ZNF454: variants seen among roughly 807,000 people sequenced by gnomAD.
ZNF454 encodes zinc finger protein 454.
Under a neutral mutation model 48.2 loss-of-function variants are expected in ZNF454, and 30 were observed. The ratio of observed to expected loss-of-function variants is 0.62; its 90% CI spans 0.47 to 0.84. The LOEUF is 0.84. ZNF454 is among the 40% of genes least tolerant of loss of function. The pLI, the probability that ZNF454 is intolerant of heterozygous loss-of-function variation, is 0.00. For synonymous variants in ZNF454, 204 were observed against 211.4 expected (o/e 0.97, Z 0.30); for missense variants, 510 against 623.1 (o/e 0.82, Z 1.93).
chr5:178,948,010 G>A (rs554782368), intron 4 of ZNF454: 1 of 152,110 alleles, frequency 6.6e-6, no homozygotes, highest in Non-Finnish European at 1.5e-5. Flanking sequence ...CGCCTCTTGG[G>A]TTCGAGCAAT....
chr5:178,959,760 C>T (rs1257049726), intron 4 of ZNF454, among the ~76,000 whole-genome samples: 1 of 151,982 alleles, frequency 6.6e-6, no homozygotes, highest in Non-Finnish European at 1.5e-5. Context: ...CGCCCACCAC[C>T]ACGCCTGGCT....
At chr5:178,969,063 G>A (rs540356382), downstream of ZNF454, 14 of 363,780 alleles carry the variant, frequency 3.8e-5, no homozygotes, top group South Asian at 2.6e-4. Flanking sequence ...TGGCCTATTA[G>A]ATACGCCCAG....
chr5:178,942,742 C>T lies in ZNF454; in HGVS notation c.-50C>T, dbSNP rs1387094452. 1.2e-6 allele frequency: 2 copies of T among 1,611,684 alleles called. No homozygotes were observed. The highest frequency in any genetic ancestry group is 1.7e-6 in the Non-Finnish European group (2 of 1,178,032). ...CTGCAGGTGTGAAGCTCCACACCTG[C>T]CTCCATAGCACTTTGCCTGTCCCTA... On this transcript the variant is annotated 5_prime_UTR_variant, in exon 2 of 5. Transcript: ENST00000519564.
chr5:178,987,191 C>T, the ZNF454 span: 7 of 694,650 alleles, frequency 1.0e-5, no homozygotes, highest in East Asian at 2.8e-5. Context: ...GTGTTGTGAG[C>T]GTGTGGAGAA....
downstream of ZNF454, chr5:178,968,613 C>T (rs1464086961): frequency 8.4e-6 from 3 of 358,704 alleles, no homozygotes; most frequent in East Asian, 7.4e-5. Flanking sequence ...TGCAGCTTCA[C>T]GCAGCTGACA....
Position 178,966,103 on chromosome 5 carries a change from T to C in ZNF454, c.*130T>C. 1.2e-6 allele frequency: 1 copy of C among 858,662 alleles called. No homozygotes were observed. 53.2% of individuals were successfully genotyped at this position (858,662 alleles called of 1,614,324 possible). On this transcript the variant is annotated 3_prime_UTR_variant, in exon 5 of 5. Transcript: ENST00000519564. The stretch of plus-strand genomic sequence containing the variant: ...GTCACTTTATTTACTGAGGGTCAGG[T>C]TTCACAGTGTCATGGGGTTTGGGCA...
chr5:178,969,121 T>C (rs1350156831), downstream of ZNF454, among the ~76,000 whole-genome samples: 1 of 152,144 alleles, frequency 6.6e-6, no homozygotes, highest in Non-Finnish European at 1.5e-5. Context: ...AGGCAGTGGC[T>C]TTACTGTATT....
chr5:178,972,308 T>C, the ZNF454 span, among the ~76,000 whole-genome samples: 2 of 152,208 alleles, frequency 1.3e-5, no homozygotes, highest in African/African-American at 4.8e-5. Context: ...ATACAACATT[T>C]TACAATCTAT....
chr5:178,944,228 C>T lies in ZNF454; in HGVS notation c.33+1404C>T, dbSNP rs945964687. Among the ~76,000 whole-genome samples, 2 of 152,206 alleles carry T rather than the reference C, an allele frequency of 1.3e-5. No individual in the cohort carries two copies. The highest frequency in any genetic ancestry group is 1.9e-4 in the East Asian group (1 of 5,180). On this transcript the variant is annotated intron_variant, in intron 2 of 4. Coordinates refer to ENST00000519564, the MANE Select transcript of ZNF454 (RefSeq NM_001178089.3). This position sits in a 1 kb window ranked among gnomAD's most constrained non-coding sequence, Gnocchi z 4.1. ...GCCATGTTCAACATAGCACAGCTCA[C>T]CGGCTGTTCCCCTCCTCCTCTTGGC...
chr5:178,964,180 G>C (rs1262728255), intron 4 of ZNF454, among the ~76,000 whole-genome samples: 3 of 151,388 alleles, frequency 2.0e-5, no homozygotes, highest in African/African-American at 7.3e-5. Flanking sequence ...GAATGCAGTG[G>C]CGCGATCTCG....
At chr5:178,985,417 A>AC in the ZNF454 span, 43 of 362,542 alleles carry the variant, frequency 1.2e-4, no homozygotes, top group Non-Finnish European at 1.8e-4. Context: ...AAAAAAAAAA[A>AC]AACTCACTGG....
the ZNF454 span, chr5:178,987,135 C>T: frequency 3.8e-6 from 3 of 796,294 alleles, no homozygotes; most frequent in Non-Finnish European, 6.3e-6. Flanking sequence ...GGAGATCCCC[C>T]TTCACCCATT....
rs1167546746 is a variant in ZNF454, at chr5:178,965,036, T to G, written c.632T>G (p.Ile211Ser). The G allele has an allele frequency of 4.3e-6, 7 of 1,613,928 alleles. No homozygotes were observed. The highest frequency in any genetic ancestry group is 1.7e-5 in the Admixed American group (1 of 59,992). Residue 211 changes from isoleucine to serine, a missense_variant, in exon 5 of 5, where the codon ATT (isoleucine) becomes AGT (serine). By Grantham distance (142) the Ile-to-Ser change is moderately radical. Around this residue, in one of 3 missense-constraint regions of ZNF454, gnomAD observed 354 missense variants for 408.9 expected, o/e 0.87. Coordinates refer to ENST00000519564, the MANE Select transcript of ZNF454 (RefSeq NM_001178089.3). This position sits in a 1 kb window ranked among gnomAD's most constrained non-coding sequence, Gnocchi z 5.2. The stretch of plus-strand genomic sequence containing the variant: ...AAAAATGCAAATCAGAAAATTCATA[T>G]TAAGGAGAAAAGATATGAATGTAGA... ...NEKNANQKIH[I>S]KEKRYECREC...
rs759446615 is a variant in ZNF454 at position 178,946,436 on chromosome 5, C to A, written c.111C>A (p.Ala37=). 3.7e-6 allele frequency: 6 copies of A among 1,612,266 alleles called. No individual in the cohort carries two copies. The highest frequency in any genetic ancestry group is 1.7e-5 in the Admixed American group (1 of 59,416). Residue 37 remains alanine, a synonymous_variant, in exon 3 of 5, where the codon GCC becomes GCA. Transcript: ENST00000519564. The surrounding 1 kb of genome is among the most constrained non-coding windows in gnomAD (Gnocchi z 4.5). ...EWGQLSPAQR[A]LYRDVMLENY... is the part of the protein sequence containing the mutation. ...GGCAGCTGAGCCCCGCCCAGAGGGC[C>A]CTGTACAGGGACGTGATGCTGGAGA...
the ZNF454 span, among the ~76,000 whole-genome samples, chr5:178,971,836 G>T: frequency 7.8e-6 from 1 of 128,156 alleles, no homozygotes; most frequent in South Asian, 3.0e-4. Flanking sequence ...AGGCTGGGCA[G>T]CGAGACTCCA....
At chr5:178,951,624 A>C (rs111342155) in intron 4 of ZNF454, among the ~76,000 whole-genome samples, 1 of 152,152 alleles carries the variant, frequency 6.6e-6, no homozygotes, top group Non-Finnish European at 1.5e-5. Flanking sequence ...TCATTTCTGA[A>C]ATTGCACTTT....
the ZNF454 span, among the ~76,000 whole-genome samples, chr5:178,987,790 C>A: frequency 6.6e-6 from 1 of 152,164 alleles, no homozygotes; most frequent in African/African-American, 2.4e-5. Context: ...GACAGAGTCT[C>A]ACTGTGTCGC....
downstream of ZNF454, among the ~76,000 whole-genome samples, chr5:178,967,745 T>TTTC (rs200957221): frequency 7.3e-3 from 744 of 101,982 alleles, 9 homozygotes; most frequent in East Asian, 0.09. Flanking sequence ...TCTTTTTCTT[T>TTTC]TTTTTTTTTT....
chr5:178,976,582 G>T, the ZNF454 span, among the ~76,000 whole-genome samples: 1 of 152,164 alleles, frequency 6.6e-6, no homozygotes, highest in South Asian at 2.1e-4. Context: ...AGGATCAATG[G>T]TAGGCTAATG....
Sources: gnomAD v4.1 joint callset for allele counts (sites outside exome capture counted in the v4.1 genomes callset) on GRCh38, gnomAD v4.1.1 for gene constraint, gnomAD v4.1.1 regional missense constraint, Gnocchi (gnomAD v3.1) non-coding constraint, MANE v1.5 for transcripts, NCBI Gene and HGNC (gene_info 2026-07-23, HGNC 2026-07-21) for gene names.